MAGI2: variants seen among roughly 807,000 people sequenced by gnomAD.
MAGI2 encodes the protein membrane-associated guanylate kinase, WW and PDZ domain-containing protein 2.
Under a neutral mutation model 133.3 loss-of-function variants are expected in MAGI2, and 35 were observed. That is an observed-to-expected ratio of 0.26 (90% CI 0.20 to 0.35). MAGI2 has a LOEUF of 0.35. Among genes scored for constraint, MAGI2 ranks in the 10% least tolerant of loss-of-function variants. The pLI is 1.00. For synonymous variants in MAGI2, 729 were observed against 710.6 expected (o/e 1.03, Z -0.41); for missense variants, 1,636 against 1,863.4 (o/e 0.88, Z 2.25).
chr7:78,264,322 A>G (rs1378398476), intron 9 of MAGI2, among the ~76,000 whole-genome samples: 1 of 152,168 alleles, frequency 6.6e-6, no homozygotes, highest in African/African-American at 2.4e-5. Context: ...ACTTCAACAC[A>G]AATGCTAAGA....
intron 1 of MAGI2, among the ~76,000 whole-genome samples, chr7:79,435,688 G>A (rs1848087713): frequency 6.6e-6 from 1 of 152,038 alleles, no homozygotes; most frequent in South Asian, 2.1e-4. Context: ...ATGCCAACGA[G>A]AGCAATCTAC....
At chr7:78,972,164 A>C (rs1191923334) in intron 2 of MAGI2, among the ~76,000 whole-genome samples, 2 of 151,956 alleles carry the variant, frequency 1.3e-5, no homozygotes, top group Non-Finnish European at 2.9e-5. Context: ...AGGAATATAA[A>C]AAGAGCCATC....
chr7:79,447,775 C>T (rs530936587), intron 1 of MAGI2, among the ~76,000 whole-genome samples: 228 of 151,850 alleles, frequency 1.5e-3, no homozygotes, highest in Non-Finnish European at 2.4e-3. Context: ...AAATGCAATA[C>T]AAATAGCCTT....
At chr7:78,540,139 G>A (rs953943220) in intron 3 of MAGI2, among the ~76,000 whole-genome samples, 14 of 152,148 alleles carry the variant, frequency 9.2e-5, no homozygotes, top group Non-Finnish European at 1.6e-4. Flanking sequence ...GGGCCATACA[G>A]CACCCAAAAG....
intron 9 of MAGI2, among the ~76,000 whole-genome samples, chr7:78,272,003 T>G (rs978794306): frequency 2.0e-5 from 3 of 152,214 alleles, no homozygotes; most frequent in Non-Finnish European, 2.9e-5. Flanking sequence ...GTTTGTATGT[T>G]CTTGCTTCTC....
intron 18 of MAGI2, among the ~76,000 whole-genome samples, chr7:78,127,897 A>G (rs529313424): frequency 6.6e-6 from 1 of 152,310 alleles, no homozygotes; most frequent in African/African-American, 2.4e-5. Context: ...CTCTAAATAC[A>G]TTACAAATAC....
At chr7:78,895,864 TAAAC>T (rs763523013) in intron 2 of MAGI2, among the ~76,000 whole-genome samples, 21 of 152,338 alleles carry the variant, frequency 1.4e-4, no homozygotes, top group Non-Finnish European at 2.8e-4. Context: ...TTATTTAACT[TAAAC>T]AATGTAACTT....
intron 1 of MAGI2, among the ~76,000 whole-genome samples, chr7:79,337,125 T>A (rs948172281): frequency 2.6e-5 from 4 of 152,154 alleles, no homozygotes; most frequent in Non-Finnish European, 5.9e-5. Flanking sequence ...ACATTTATTT[T>A]AAAATCATGA....
At chr7:78,111,853 C>T (rs543513447) in intron 20 of MAGI2, among the ~76,000 whole-genome samples, 9 of 152,274 alleles carry the variant, frequency 5.9e-5, no homozygotes, top group East Asian at 3.9e-4. Context: ...TAAAGAGGCA[C>T]GCTGTATGCA....
intron 1 of MAGI2, among the ~76,000 whole-genome samples, chr7:79,167,221 T>C (rs958712814): frequency 6.6e-6 from 1 of 151,904 alleles, no homozygotes; most frequent in Non-Finnish European, 1.5e-5. Flanking sequence ...AAAATCCTTT[T>C]TCGCCTCCTT....
At chr7:79,140,660 C>T (rs1822042233) in intron 1 of MAGI2, among the ~76,000 whole-genome samples, 1 of 152,146 alleles carries the variant, frequency 6.6e-6, no homozygotes, top group Non-Finnish European at 1.5e-5. Flanking sequence ...TCAATCTAAA[C>T]ATCAGATTAT....
chr7:78,509,493 C>G (rs1174277924), intron 4 of MAGI2: 1 of 152,138 alleles, frequency 6.6e-6, no homozygotes, highest in African/African-American at 2.4e-5. Flanking sequence ...AGTGCAGGAA[C>G]TGAAAGCGTT....
At chr7:78,498,798 T>C (rs1461736129) in intron 5 of MAGI2, among the ~76,000 whole-genome samples, 1 of 152,096 alleles carries the variant, frequency 6.6e-6, no homozygotes, top group African/African-American at 2.4e-5. Context: ...GCCTCCAGTC[T>C]ATGGAGGAAC....
intron 9 of MAGI2, among the ~76,000 whole-genome samples, chr7:78,297,321 A>G (rs1797357243): frequency 6.6e-6 from 1 of 151,850 alleles, no homozygotes; most frequent in South Asian, 2.1e-4. Context: ...TTAAAAAGTC[A>G]GGAAACAACA....
At chr7:79,245,312 C>T (rs1049603788) in intron 1 of MAGI2, among the ~76,000 whole-genome samples, 2 of 152,170 alleles carry the variant, frequency 1.3e-5, no homozygotes, top group East Asian at 3.9e-4. Flanking sequence ...AGGGATGGTG[C>T]ACCAGGTGGA....
chr7:78,955,758 T>C (rs1327742698), intron 2 of MAGI2, among the ~76,000 whole-genome samples: 1 of 79,478 alleles, frequency 1.3e-5, no homozygotes, highest in Non-Finnish European at 2.9e-5. Flanking sequence ...TCTTTCTTTC[T>C]TTCTTTCTTT....
At chr7:79,132,955 C>A (rs574940464) in intron 1 of MAGI2, among the ~76,000 whole-genome samples, 1 of 151,838 alleles carries the variant, frequency 6.6e-6, no homozygotes, top group African/African-American at 2.4e-5. Context: ...TATTCTTTTG[C>A]GAAATGTTCA....
chr7:78,682,591 A>G (rs1171647723), intron 2 of MAGI2, among the ~76,000 whole-genome samples: 2 of 152,098 alleles, frequency 1.3e-5, no homozygotes, highest in African/African-American at 2.4e-5. Flanking sequence ...CATGGTGTAT[A>G]TGTGCCACAG....
intron 15 of MAGI2, among the ~76,000 whole-genome samples, chr7:78,166,415 C>G (rs1030278015): frequency 6.6e-6 from 1 of 152,108 alleles, no homozygotes; most frequent in African/African-American, 2.4e-5. Flanking sequence ...CAAGCACTGT[C>G]TTCCTCCTGG....
Sources: allele counts gnomAD v4.1 joint callset (sites outside exome capture counted in the v4.1 genomes callset), GRCh38; gene constraint gnomAD v4.1.1; transcripts MANE v1.5; gene names NCBI Gene and HGNC (gene_info 2026-07-23, HGNC 2026-07-21).